The following CNOT1 variants were observed in gnomAD, a reference collection of about 807,000 sequenced individuals.
CNOT1 encodes the protein CCR4-associated factor 1.
In CNOT1, 15 loss-of-function variants were observed where a neutral mutation model predicts 273.8. The observed-to-expected ratio is 0.05, with a 90% confidence interval of 0.04 to 0.08. The LOEUF (loss-of-function observed/expected upper bound fraction) is 0.08, where lower values mean the gene tolerates loss of function less well. CNOT1 is among the 10% of genes least tolerant of loss of function. CNOT1 has a pLI of 1.00. For missense variants in CNOT1, 1,644 were observed against 2,912.2 expected (o/e 0.56, Z 10.02); for synonymous variants, 1,022 against 1,005.5 (o/e 1.02, Z -0.31).
At chr16:58,539,639 A>C in intron 35 of CNOT1, 129 bp downstream of exon 35, 1 of 929,832 alleles carries the variant, frequency 1.1e-6, no homozygotes, top group Non-Finnish European at 1.5e-6. Context: ...AAAAAAAATC[A>C]CCTACTTACA....
intron 1 of CNOT1, among the ~76,000 whole-genome samples, chr16:58,605,041 CAGG>C (rs1405283623): frequency 2.6e-5 from 4 of 152,054 alleles, no homozygotes; most frequent in Non-Finnish European, 4.4e-5. Flanking sequence ...GAGGCTGAGG[CAGG>C]AGAATGGCAT....
At chr16:58,605,524 A>G (rs1362477552) in intron 1 of CNOT1, among the ~76,000 whole-genome samples, 1 of 152,100 alleles carries the variant, frequency 6.6e-6, no homozygotes, top group Non-Finnish European at 1.5e-5. Context: ...ATAAAATAAA[A>G]ACACATAAAT....
chr16:58,569,674 T>G (rs1233299087), intron 16 of CNOT1, among the ~76,000 whole-genome samples: 1 of 141,718 alleles, frequency 7.1e-6, no homozygotes, highest in Non-Finnish European at 1.5e-5. Flanking sequence ...TGAAGATAGA[T>G]CAATTAAAAT....
chr16:58,598,769 A>G (rs985229964), intron 2 of CNOT1, among the ~76,000 whole-genome samples: 13 of 152,146 alleles, frequency 8.5e-5, no homozygotes, highest in Non-Finnish European at 1.5e-4. Flanking sequence ...ATCTTTTTAA[A>G]AAAAAGATTG....
At chr16:58,620,536 G>A (rs1050744949) in intron 1 of CNOT1, among the ~76,000 whole-genome samples, 4 of 151,748 alleles carry the variant, frequency 2.6e-5, no homozygotes, top group African/African-American at 7.3e-5. Flanking sequence ...CCAGCTACTC[G>A]GCGGGGATAA....
At chr16:58,536,781 A>G (rs1011915268) in intron 39 of CNOT1, among the ~76,000 whole-genome samples, 2 of 152,172 alleles carry the variant, frequency 1.3e-5, no homozygotes, top group African/African-American at 4.8e-5. Flanking sequence ...TACAGAACCA[A>G]CGGTGGGAGG....
At chr16:58,587,481 T>C in intron 4 of CNOT1, 68 bp from the exon 5 acceptor site, 10 of 1,598,906 alleles carry the variant, frequency 6.3e-6, no homozygotes, top group Non-Finnish European at 8.5e-6. Context: ...ACAACCTATC[T>C]GTTTGCCCAA....
intron 39 of CNOT1, 37 bp downstream of exon 39, chr16:58,536,952 G>T (rs756403203): frequency 3.1e-6 from 5 of 1,608,384 alleles, no homozygotes; most frequent in Non-Finnish European, 3.4e-6. Context: ...CCCTACTTAT[G>T]TTGAATAAAA....
At chr16:58,585,581 C>T (rs758612880) in intron 7 of CNOT1, 75 bp from the exon 8 acceptor site, 87 of 1,520,422 alleles carry the variant, frequency 5.7e-5, no homozygotes, top group Non-Finnish European at 7.6e-5. Context: ...TCCAAAATCC[C>T]CTCAAACCCA....
chr16:58,592,057 A>G (rs913704411), intron 2 of CNOT1, among the ~76,000 whole-genome samples: 1 of 152,062 alleles, frequency 6.6e-6, no homozygotes, highest in African/African-American at 2.4e-5. Flanking sequence ...ATATATTAAG[A>G]TTTTGCTACC....
chr16:58,600,582 A>T (rs2042425876), intron 1 of CNOT1, among the ~76,000 whole-genome samples: 1 of 152,162 alleles, frequency 6.6e-6, no homozygotes, highest in Admixed American at 6.6e-5. Flanking sequence ...CTGCTTCAGA[A>T]TCAGGTAGTT....
At position 58,542,416 on chromosome 16, in the gene CNOT1, C is replaced by T. The variant is rs572133479; in HGVS notation, c.4575+12G>A. 2.9e-5 allele frequency: 47 copies of T among 1,613,786 alleles called. 2 individuals carry two copies. The South Asian group carries it at 4.6e-4, about 16-fold the overall frequency. ...AAAAGAAAATCTTAAAAGGCAAATT[C>T]TAAACACTTACAGTTGCTAATCTCT... On this transcript the variant is annotated intron_variant, in intron 32 of 48. Coordinates refer to ENST00000317147, the MANE Select transcript of CNOT1 (RefSeq NM_016284.5).
rs192664865 is a variant in CNOT1, at chr16:58,531,890, A to G, written c.6177+68T>C. On this transcript the variant is annotated intron_variant, in intron 42 of 48. Transcript: ENST00000317147. Reference sequence around the variant, plus strand: ...TACTAAATGACTAATAGAAATCTATAGGCAATGCTAATAAATAAGCCCAGG... The same window carrying G: ...TACTAAATGACTAATAGAAATCTATGGGCAATGCTAATAAATAAGCCCAGG... 92 of 1,545,598 alleles carry G rather than the reference A, an allele frequency of 6.0e-5. No individual in the cohort carries two copies. In the African/African-American group the frequency reaches 1.1e-3, roughly 18 times the overall value.
At position 58,551,597 on chromosome 16, in the gene CNOT1, C is replaced by A; in HGVS notation, c.3193G>T (p.Asp1065Tyr). The change falls in exon 23 of 49, where the codon GAT becomes TAT. Residue 1065 changes from aspartate (D) to tyrosine (Y), a missense_variant. Around this residue, in one of 13 missense-constraint regions of CNOT1, gnomAD observed 124 missense variants for 289.3 expected, o/e 0.43. Coordinates refer to ENST00000317147, the MANE Select transcript of CNOT1 (RefSeq NM_016284.5). ...AAGATAGATCTACTTACTGGCACAT[C>A]TTTCTTAAAGCTGACTCCAGTTGGC... Reference protein sequence around the residue: ...TRPTGVSFKKDVPPSINTTNI... With the variant: ...TRPTGVSFKKYVPPSINTTNI... 1 of 1,613,598 alleles carries A rather than the reference C, an allele frequency of 6.2e-7. No individual in the cohort carries two copies. The highest frequency in any genetic ancestry group is 8.5e-7 in the Non-Finnish European group (1 of 1,179,552).
intron 1 of CNOT1, among the ~76,000 whole-genome samples, chr16:58,604,337 G>T (rs1284394489): frequency 6.6e-6 from 1 of 152,184 alleles, no homozygotes; most frequent in Non-Finnish European, 1.5e-5. Flanking sequence ...GATCATTAAA[G>T]TTGAGATTCC....
In CNOT1 at chr16:58,531,943, A is replaced by G; in HGVS notation, c.6177+15T>C. 6.2e-7 allele frequency: 1 copy of G among 1,613,838 alleles called. No homozygotes were observed. Among genetic ancestry groups the G allele is most frequent in the Non-Finnish European group, 8.5e-7 (1 of 1,179,900 alleles). The stretch of plus-strand genomic sequence containing the variant: ...GTTATAGTCTTCATCTACAGGAGAT[A>G]AACTGCAGCCACACCTTCTGCTGTG... On this transcript the variant is annotated intron_variant, in intron 42 of 48. Coordinates refer to ENST00000317147, the MANE Select transcript of CNOT1 (RefSeq NM_016284.5).
intron 1 of CNOT1, among the ~76,000 whole-genome samples, chr16:58,601,550 G>A (rs574699430): frequency 6.6e-6 from 1 of 152,144 alleles, no homozygotes; most frequent in South Asian, 2.1e-4. Context: ...AGGAAACTCA[G>A]GAAGATTAAA....
intron 11 of CNOT1, among the ~76,000 whole-genome samples, 182 bp downstream of exon 11, chr16:58,581,163 G>A (rs910316403): frequency 1.3e-5 from 2 of 152,126 alleles, no homozygotes; most frequent in Non-Finnish European, 1.5e-5. Flanking sequence ...CCTTAAAGGA[G>A]TCTGCCTAAT....
chr16:58,597,849 G>T, intron 2 of CNOT1: 1 of 380,220 alleles, frequency 2.6e-6, no homozygotes, highest in Non-Finnish European at 5.0e-6. Context: ...ACCATGACCA[G>T]CAAGGGCAAG....
Sources: gnomAD v4.1 joint callset for allele counts (sites outside exome capture counted in the v4.1 genomes callset) on GRCh38, gnomAD v4.1.1 for gene constraint, gnomAD v4.1.1 regional missense constraint, MANE v1.5 for transcripts, NCBI Gene and HGNC (gene_info 2026-07-23, HGNC 2026-07-21) for gene names.